The following ZNF273 variants were observed in gnomAD, a reference collection of about 807,000 sequenced individuals.
ZNF273 encodes zinc finger protein 273.
A neutral mutation model predicts 14.9 loss-of-function variants in ZNF273; 11 were observed. The observed-to-expected ratio is 0.74, with a 90% CI of 0.46 to 1.22. ZNF273 has a LOEUF of 1.22. ZNF273 is among the 50% of genes most tolerant of loss of function. The pLI is 0.00. For missense variants in ZNF273, 577 were observed against 660.6 expected (o/e 0.87, Z 1.39); for synonymous variants, 199 against 223.9 (o/e 0.89, Z 0.99).
At chr7:64,889,359 G>T, downstream of ZNF273, 1 of 964,662 alleles carries the variant, frequency 1.0e-6, no homozygotes, top group Non-Finnish European at 1.2e-6. This position sits in a 1 kb window ranked among gnomAD's most constrained non-coding sequence, Gnocchi z 4.2. Context: ...TGGTGCTGAG[G>T]GTCCGGCCCG....
chr7:64,926,415 T>C, intron 3 of ZNF273, among the ~76,000 whole-genome samples: 1 of 152,118 alleles, frequency 6.6e-6, no homozygotes, highest in East Asian at 1.9e-4. Flanking sequence ...TAAAATTTTT[T>C]AGTTTTTTTG....
chr7:64,902,139 A>G (rs1326937381), upstream of ZNF273, among the ~76,000 whole-genome samples: 1 of 150,534 alleles, frequency 6.6e-6, no homozygotes, highest in East Asian at 1.9e-4. Flanking sequence ...GAATATTAGA[A>G]TATTTGAATT....
chr7:64,912,829 T>TTTTGTTGTTG lies in ZNF273; in HGVS notation c.103-4749_103-4748insGTTGTTGTTT, dbSNP rs796861025. ...TTTTGACTCAGGATTCATTTTAGTT[T>TTTTGTTGTTG]TTTTTTTTTTTTTTTTTGAGATTGA... On this transcript the variant is annotated intron_variant, in intron 1 of 3. Coordinates refer to ENST00000476120, the MANE Select transcript of ZNF273 (RefSeq NM_021148.3). 8.7e-5 allele frequency among the ~76,000 whole-genome samples: 8 copies of TTTTGTTGTTG among 92,128 alleles called. 1 individual carries two copies. Among genetic ancestry groups the TTTTGTTGTTG allele is most frequent in the African/African-American group, 1.7e-4 (5 of 29,060 alleles). 60.4% of individuals were successfully genotyped at this position (92,128 alleles called of 152,430 possible).
In ZNF273 at chr7:64,929,545, T is replaced by G. The variant is rs1053800532; in HGVS notation, c.*507T>G. On this transcript the variant is annotated 3_prime_UTR_variant, in exon 4 of 4. Coordinates refer to ENST00000476120, the MANE Select transcript of ZNF273 (RefSeq NM_021148.3). ...ATGGGAGGAATTACACTAAAATATA[T>G]TTTTGCAAATGCAGCAGTAAATATG... 1.2e-4 allele frequency: 18 copies of G among 152,360 alleles called. No individual in the cohort carries two copies. The highest frequency in any genetic ancestry group is 3.8e-4 in the African/African-American group (16 of 41,588). The allele number at this position is 152,360 out of a possible 1,614,324, so 9.4% of individuals were successfully genotyped here. A position where few individuals can be genotyped will look rare whatever the true frequency, so the allele number is the denominator to read the frequency against.
intron 1 of ZNF273, among the ~76,000 whole-genome samples, chr7:64,911,565 G>A (rs952655546): frequency 6.6e-6 from 1 of 151,964 alleles, no homozygotes; most frequent in African/African-American, 2.4e-5. Context: ...GCCTGGCCAA[G>A]TTATTTGTAT....
intron 3 of ZNF273, among the ~76,000 whole-genome samples, chr7:64,918,559 G>A (rs1794180147): frequency 6.7e-6 from 1 of 150,354 alleles, no homozygotes; most frequent in Non-Finnish European, 1.5e-5. Flanking sequence ...TACTTGGAAG[G>A]CTGAGGCAGG....
At chr7:64,915,923 T>A (rs1793944223) in intron 1 of ZNF273, among the ~76,000 whole-genome samples, 1 of 151,786 alleles carries the variant, frequency 6.6e-6, no homozygotes, top group Admixed American at 6.5e-5. Flanking sequence ...TGGCCAGGCA[T>A]GATGGTTCAT....
chr7:64,916,504 C>T, intron 1 of ZNF273, among the ~76,000 whole-genome samples: 1 of 144,924 alleles, frequency 6.9e-6, no homozygotes, highest in Non-Finnish European at 1.5e-5. Flanking sequence ...GAGATCACAC[C>T]ATTGCACTCT....
downstream of ZNF273, chr7:64,882,786 GTGAGTCTCCTTAAACGT>G (rs1163018066): frequency 2.0e-5 from 3 of 152,332 alleles, no homozygotes. Context: ...ACGGAGTGGG[GTGAGTCTCCTTAAACGT>G]TGCCCCCCTG....
chr7:64,888,256 C>G, intron 1 of ZNF273: 1 of 980,108 alleles, frequency 1.0e-6, no homozygotes, highest in South Asian at 4.7e-5. Flanking sequence ...GGCGCTCCCT[C>G]GTCAGATGTC....
rs1426010740 is a variant in ZNF273, at chr7:64,930,817, GTAA to G, written c.*1784_*1786del. 8 of 152,000 alleles carry G rather than the reference GTAA, an allele frequency of 5.3e-5. No individual in the cohort carries two copies. The highest frequency in any genetic ancestry group is 1.7e-4 in the African/African-American group (7 of 41,402). 9.4% of individuals were successfully genotyped at this position (152,000 alleles called of 1,614,324 possible). A position where few individuals can be genotyped will look rare whatever the true frequency, so the allele number is the denominator to read the frequency against. On this transcript the variant is annotated 3_prime_UTR_variant, in exon 4 of 4. Coordinates refer to ENST00000476120, the MANE Select transcript of ZNF273 (RefSeq NM_021148.3). The stretch of plus-strand genomic sequence containing the variant: ...ATGTTTTGATACAGGTATATAATAT[GTAA>G]TAATCACATCAGGGTAAATGAGGTA...
chr7:64,928,179 A>C lies in ZNF273; in HGVS notation c.851A>C (p.His284Pro). 1 of 1,613,350 alleles carries C rather than the reference A, an allele frequency of 6.2e-7. No individual in the cohort carries two copies. Among genetic ancestry groups the C allele is most frequent in the Non-Finnish European group, 8.5e-7 (1 of 1,179,778 alleles). The part of the protein sequence containing the change: ...SLTLTKHKKI[H>P]TEEKPYKCED... ...ACTCTTACTAAACATAAAAAAATTC[A>C]TACTGAAGAGAAACCTTACAAATGT... Residue 284 changes from histidine (H) to proline (P), a missense_variant, in exon 4 of 4, where the codon CAT becomes CCT. Transcript: ENST00000476120.
chr7:64,891,606 G>T (rs1792041733), downstream of ZNF273, among the ~76,000 whole-genome samples: 1 of 152,234 alleles, frequency 6.6e-6, no homozygotes, highest in Non-Finnish European at 1.5e-5. Flanking sequence ...GTGCCAGCTG[G>T]ATGACTCAGA....
chr7:64,925,702 T>C (rs1794736970), intron 3 of ZNF273, among the ~76,000 whole-genome samples: 1 of 151,850 alleles, frequency 6.6e-6, no homozygotes, highest in Non-Finnish European at 1.5e-5. Flanking sequence ...CCTCCCAAAG[T>C]GCTGGAATTA....
chr7:64,887,865 C>T (rs780274801), intron 1 of ZNF273, among the ~76,000 whole-genome samples: 2 of 151,866 alleles, frequency 1.3e-5, no homozygotes, highest in African/African-American at 4.8e-5. Context: ...CCAGGGTTCC[C>T]CTTGACCCAT....
upstream of ZNF273, among the ~76,000 whole-genome samples, chr7:64,898,343 G>C (rs10279937): frequency 0.033 from 4,966 of 152,286 alleles, 272 homozygotes; most frequent in African/African-American, 0.11. Flanking sequence ...CCATTTTAAT[G>C]ATGACAGTGA....
In ZNF273 at chr7:64,930,490, TTATG is replaced by T. The variant is rs1411969885; in HGVS notation, c.*1457_*1460del. 2.0e-5 allele frequency: 3 copies of T among 152,186 alleles called. No homozygotes were observed. Among genetic ancestry groups the T allele is most frequent in the African/African-American group, 4.8e-5 (2 of 41,452 alleles). The allele number at this position is 152,186 out of a possible 1,614,324, so 9.4% of individuals were successfully genotyped here. On this transcript the variant is annotated 3_prime_UTR_variant, in exon 4 of 4. Transcript: ENST00000476120. ...TGCAGTACATTTCAAAATTTTTAGA[TTATG>T]TATGAACTTAGATTTTTAAACATGT...
downstream of ZNF273, among the ~76,000 whole-genome samples, chr7:64,880,692 G>A (rs1220029908): frequency 1.3e-5 from 2 of 152,064 alleles, no homozygotes; most frequent in Non-Finnish European, 2.9e-5. Flanking sequence ...AAATTGGCGG[G>A]CTAGCTGAGA....
At chr7:64,927,375 A>G (rs943422195) in intron 3 of ZNF273, among the ~76,000 whole-genome samples, 1 of 150,540 alleles carries the variant, frequency 6.6e-6, no homozygotes, top group Non-Finnish European at 1.5e-5. Flanking sequence ...GGCATGAGCC[A>G]CTGCACCCGA....
Sources: allele counts gnomAD v4.1 joint callset (sites outside exome capture counted in the v4.1 genomes callset), GRCh38; gene constraint gnomAD v4.1.1; non-coding constraint Gnocchi (gnomAD v3.1); transcripts MANE v1.5; gene names NCBI Gene and HGNC (gene_info 2026-07-23, HGNC 2026-07-21).